PRELID2: variants seen among roughly 807,000 people sequenced by gnomAD.
PRELID2 encodes the protein PRELI domain containing 2.
A neutral mutation model predicts 28.4 loss-of-function variants in PRELID2; 25 were observed. That is an observed-to-expected ratio of 0.88 (90% CI 0.64 to 1.23). The LOEUF (loss-of-function observed/expected upper bound fraction) is 1.23, where lower values mean the gene tolerates loss of function less well. Among genes scored for constraint, PRELID2 ranks in the 50% most tolerant of loss-of-function variants. The pLI, the probability that PRELID2 is intolerant of heterozygous loss-of-function variation, is 0.00. For missense variants in PRELID2, 201 were observed against 214.4 expected (o/e 0.94, Z 0.39); for synonymous variants, 76 against 71.6 (o/e 1.06, Z -0.31).
the PRELID2 span, among the ~76,000 whole-genome samples, chr5:145,238,715 T>C: frequency 6.6e-6 from 1 of 152,076 alleles, no homozygotes; most frequent in Non-Finnish European, 1.5e-5. Context: ...TCCCCTGTTA[T>C]GTCCCCACTA....
chr5:145,527,518 G>A (rs189029835), intron 1 of PRELID2, among the ~76,000 whole-genome samples: 59 of 152,316 alleles, frequency 3.9e-4, no homozygotes, highest in African/African-American at 1.3e-3. Context: ...TATTGCACAT[G>A]CAGAATTTTT....
intron 1 of PRELID2, among the ~76,000 whole-genome samples, chr5:145,743,155 T>C (rs1406810097): frequency 6.6e-6 from 1 of 151,878 alleles, no homozygotes. Context: ...ACACCTGTAA[T>C]CCTAGCACTT....
At chr5:145,435,235 G>C in the PRELID2 span, among the ~76,000 whole-genome samples, 1 of 152,168 alleles carries the variant, frequency 6.6e-6, no homozygotes, top group Non-Finnish European at 1.5e-5. Context: ...AGAGTAACTT[G>C]ACAAAGAGTG....
At chr5:145,389,274 G>T in the PRELID2 span, among the ~76,000 whole-genome samples, 1 of 152,126 alleles carries the variant, frequency 6.6e-6, no homozygotes, top group African/African-American at 2.4e-5. Flanking sequence ...ACACAAGATA[G>T]TAGATGGAAG....
At chr5:145,398,898 G>A in the PRELID2 span, among the ~76,000 whole-genome samples, 1 of 152,092 alleles carries the variant, frequency 6.6e-6, no homozygotes, top group Non-Finnish European at 1.5e-5. Context: ...TAAACTTCAA[G>A]AATTAGTCTT....
At chr5:145,530,929 T>C (rs1364908794) in intron 1 of PRELID2, among the ~76,000 whole-genome samples, 3 of 152,132 alleles carry the variant, frequency 2.0e-5, no homozygotes, top group Non-Finnish European at 4.4e-5. Flanking sequence ...AGAGCAAATA[T>C]GTAGAAAGTC....
the PRELID2 span, among the ~76,000 whole-genome samples, chr5:145,309,263 T>A: frequency 6.6e-6 from 1 of 152,060 alleles, no homozygotes; most frequent in East Asian, 1.9e-4. Flanking sequence ...GAGAAGGACA[T>A]TGCTGGAGAA....
intron 1 of PRELID2, among the ~76,000 whole-genome samples, chr5:145,543,101 T>C (rs1030002112): frequency 2.6e-5 from 4 of 152,106 alleles, no homozygotes; most frequent in African/African-American, 9.7e-5. Context: ...TGCCCTTCTC[T>C]AGGTCAAATA....
chr5:145,742,155 T>TTATA lies in PRELID2; in HGVS notation n.70+22772_70+22775dup, dbSNP rs1554088279. Reference sequence around the variant, plus strand: ...ATAAATAAATAAATTTATTTATTTATTATAAATTTATTTATTAATTATAAA... The same window carrying TTATA: ...ATAAATAAATAAATTTATTTATTTATTATATATAAATTTATTTATTAATTATAAA... On this transcript the variant is annotated intron_variant and non_coding_transcript_variant, in intron 1 of 2. Coordinates refer to the PRELID2 transcript ENST00000510259. Among the ~76,000 whole-genome samples, 163 of 130,814 alleles carry TTATA rather than the reference T, an allele frequency of 1.2e-3. 2 individuals carry two copies. Among genetic ancestry groups the TTATA allele is most frequent in the Middle Eastern group, 5.8e-3 (1 of 172 alleles). The allele number at this position is 130,814 out of a possible 152,430, so 85.8% of individuals were successfully genotyped here.
At chr5:145,803,838 G>A (rs1753315072) in intron 4 of PRELID2, among the ~76,000 whole-genome samples, 1 of 151,518 alleles carries the variant, frequency 6.6e-6, no homozygotes, top group Non-Finnish European at 1.5e-5. Flanking sequence ...ACTTCTAGGT[G>A]GAACTCAATC....
the PRELID2 span, chr5:145,230,066 A>T: frequency 1.5e-6 from 1 of 669,136 alleles, no homozygotes; most frequent in South Asian, 1.4e-5. Flanking sequence ...CCCCTGTACC[A>T]TGAGGAGCTG....
chr5:145,255,658 A>G, the PRELID2 span, among the ~76,000 whole-genome samples: 1 of 151,872 alleles, frequency 6.6e-6, no homozygotes. Flanking sequence ...GTGTGTACCT[A>G]TAGTCCCAGC....
chr5:145,632,158 T>C (rs1753942093), intron 1 of PRELID2, among the ~76,000 whole-genome samples: 1 of 152,156 alleles, frequency 6.6e-6, no homozygotes, highest in African/African-American at 2.4e-5. Context: ...CTCAAACCAT[T>C]CTGTGAAACC....
intron 1 of PRELID2, among the ~76,000 whole-genome samples, chr5:145,582,055 T>C (rs971298452): frequency 1.3e-5 from 2 of 152,022 alleles, no homozygotes; most frequent in Admixed American, 1.3e-4. Flanking sequence ...TTGTGAGTGG[T>C]GCTACAGATA....
chr5:145,248,216 C>G, the PRELID2 span, among the ~76,000 whole-genome samples: 599 of 152,202 alleles, frequency 3.9e-3, 6 homozygotes, highest in East Asian at 0.031. Context: ...GTTCCCCCCC[C>G]TTCTTAACCC....
chr5:145,516,962 C>T (rs1416821746), intron 1 of PRELID2, among the ~76,000 whole-genome samples: 2 of 152,140 alleles, frequency 1.3e-5, no homozygotes, highest in Admixed American at 6.5e-5. Flanking sequence ...TGGACCCTTT[C>T]CTTACACTTT....
At chr5:145,567,677 T>G (rs1752979667) in intron 1 of PRELID2, among the ~76,000 whole-genome samples, 1 of 152,054 alleles carries the variant, frequency 6.6e-6, no homozygotes, top group Admixed American at 6.6e-5. Context: ...CAAGCCCAGC[T>G]GATCTGATGG....
chr5:145,792,368 T>C (rs1205014450), intron 5 of PRELID2, among the ~76,000 whole-genome samples: 4 of 152,212 alleles, frequency 2.6e-5, no homozygotes, highest in Admixed American at 2.6e-4. Context: ...AGGTAATGCG[T>C]GCCAAGGACA....
At chr5:145,713,415 T>C (rs919218781) in intron 1 of PRELID2, among the ~76,000 whole-genome samples, 2 of 144,656 alleles carry the variant, frequency 1.4e-5, no homozygotes, top group African/African-American at 5.1e-5. Flanking sequence ...TTATATATAC[T>C]TTATATATAT....
Sources: gnomAD v4.1 joint callset for allele counts (sites outside exome capture counted in the v4.1 genomes callset) on GRCh38, gnomAD v4.1.1 for gene constraint, MANE v1.5 for transcripts, NCBI Gene and HGNC (gene_info 2026-07-23, HGNC 2026-07-21) for gene names.